Variants in SLC11A2 observed in about 807,000 individuals in gnomAD.
SLC11A2 encodes natural resistance-associated macrophage protein 2.
A neutral mutation model predicts 68.0 loss-of-function variants in SLC11A2; 38 were observed. That is an observed-to-expected ratio of 0.56 (90% CI 0.43 to 0.73). SLC11A2 has a LOEUF of 0.73. Among genes scored for constraint, SLC11A2 ranks in the 30% least tolerant of loss-of-function variants. SLC11A2 has a pLI of 0.00. For synonymous variants in SLC11A2, 242 were observed against 250.6 expected (o/e 0.97, Z 0.32); for missense variants, 517 against 690.5 (o/e 0.75, Z 2.82).
At chr12:51,005,997 T>C (rs1031423844) in intron 3 of SLC11A2, 15 of 285,576 alleles carry the variant, frequency 5.3e-5, no homozygotes, top group Non-Finnish European at 7.5e-5. Flanking sequence ...TGACCAGCAT[T>C]AAAACAGAGA....
the SLC11A2 span, among the ~76,000 whole-genome samples, chr12:50,969,763 C>T: frequency 1.3e-5 from 2 of 151,694 alleles, no homozygotes; most frequent in Admixed American, 1.3e-4. Context: ...GGGTTTCACA[C>T]TCAGAAGAGG....
downstream of SLC11A2, chr12:50,981,592 A>G (rs1188901368): frequency 1.5e-6 from 1 of 677,086 alleles, no homozygotes; most frequent in Non-Finnish European, 2.7e-6. Context: ...CACCCTTCCC[A>G]TGAGGAAATC....
chr12:50,983,265 G>A (rs183835473), downstream of SLC11A2, among the ~76,000 whole-genome samples: 4 of 152,098 alleles, frequency 2.6e-5, no homozygotes, highest in Non-Finnish European at 1.5e-5. Context: ...TTCTCTTCTC[G>A]AATACACCTT....
At chr12:50,976,698 A>C (rs1415087667), downstream of SLC11A2, among the ~76,000 whole-genome samples, 1 of 152,230 alleles carries the variant, frequency 6.6e-6, no homozygotes, top group Non-Finnish European at 1.5e-5. Flanking sequence ...GAAAAGAAGA[A>C]GTCAAATTGT....
intron 14 of SLC11A2, 38 bp from the exon 15 acceptor site, chr12:50,990,986 C>T (rs368415581): frequency 1.7e-4 from 270 of 1,597,016 alleles, no homozygotes; most frequent in Non-Finnish European, 2.2e-4. Context: ...ATGGAATAAT[C>T]CAACTTGGCC....
chr12:50,979,877 A>C, downstream of SLC11A2: 1 of 454,148 alleles, frequency 2.2e-6, no homozygotes, highest in Non-Finnish European at 4.4e-6. Context: ...AGTGATGCTC[A>C]AAGTCACACA....
rs755515112 is a variant in SLC11A2 at position 50,986,572 on chromosome 12, ATT to A, written c.*1751_*1752del. 4.2e-6 allele frequency: 5 copies of A among 1,191,856 alleles called. No individual in the cohort carries two copies. Among genetic ancestry groups the A allele is most frequent in the Non-Finnish European group, 5.5e-6 (5 of 914,204 alleles). The allele number at this position is 1,191,856 out of a possible 1,614,324, so 73.8% of individuals were successfully genotyped here. On this transcript the variant is annotated 3_prime_UTR_variant, in exon 16 of 16. Coordinates refer to ENST00000262052, the MANE Select transcript of SLC11A2 (RefSeq NM_000617.3). Reference sequence around the variant, plus strand: ...TGTTACCATATCATCTTTATAAAGAATTTTTTTTTTGTCGTCAGTTTGGCCTT... The same window carrying A: ...TGTTACCATATCATCTTTATAAAGAATTTTTTTTGTCGTCAGTTTGGCCTT...
chr12:50,968,016 G>A, the SLC11A2 span, among the ~76,000 whole-genome samples: 2 of 152,162 alleles, frequency 1.3e-5, no homozygotes, highest in Non-Finnish European at 2.9e-5. Context: ...GAGCCCAGGA[G>A]GTCGAGGCTG....
chr12:51,004,586 T>C (rs1942556135), intron 5 of SLC11A2, among the ~76,000 whole-genome samples: 2 of 152,144 alleles, frequency 1.3e-5, no homozygotes, highest in Admixed American at 6.5e-5. Flanking sequence ...AATGCGAGTC[T>C]CAAGTTAGAT....
chr12:50,986,434 T>C lies in SLC11A2; in HGVS notation c.*1891A>G, dbSNP rs956658272. 5.5e-6 allele frequency: 7 copies of C among 1,284,310 alleles called. No individual in the cohort carries two copies. The African/African-American group carries it at 6.1e-5, about 11-fold the overall frequency. 79.6% of individuals were successfully genotyped at this position (1,284,310 alleles called of 1,614,324 possible). A position where few individuals can be genotyped will look rare whatever the true frequency, so the allele number is the denominator to read the frequency against. ...TTTAATTGGAAGGAGTTTTCTATCA[T>C]TGCAAGTCATAAATATAACTTTTAA... On this transcript the variant is annotated 3_prime_UTR_variant, in exon 16 of 16. Transcript: ENST00000262052.
intron 1 of SLC11A2, among the ~76,000 whole-genome samples, chr12:51,022,615 A>C (rs888774206): frequency 4.6e-5 from 7 of 152,154 alleles, no homozygotes; most frequent in African/African-American, 1.4e-4. Context: ...AATGATGTAG[A>C]TTGACCTTAA....
chr12:50,982,910 C>T (rs1348672104), downstream of SLC11A2, among the ~76,000 whole-genome samples: 1 of 148,320 alleles, frequency 6.7e-6, no homozygotes, highest in Non-Finnish European at 1.5e-5. Flanking sequence ...CACTGCACTC[C>T]GGCCTGGGCA....
At chr12:50,982,796 C>T (rs540292356), downstream of SLC11A2, among the ~76,000 whole-genome samples, 59 of 151,872 alleles carry the variant, frequency 3.9e-4, no homozygotes, top group South Asian at 4.6e-3. Context: ...CAAAAATTAG[C>T]GGGGCATGGT....
chr12:50,999,414 T>C lies in SLC11A2; in HGVS notation c.538A>G (p.Ile180Val). The C allele has an allele frequency of 6.2e-7, 1 of 1,612,246 alleles. No homozygotes were observed. Among genetic ancestry groups the C allele is most frequent in the Non-Finnish European group, 8.5e-7 (1 of 1,178,298 alleles). ...IAINLLSVGR[I>V]PLWGGVLITI... ...ATGAGAACGCCACCCCACAGAGGAA[T>C]TCTAGGTCAGAGATGAGATATGGAA... The change falls in exon 7 of 16, where the codon ATT becomes GTT. Residue 180 changes from isoleucine to valine, a missense_variant and splice_region_variant. Coordinates refer to ENST00000262052, the MANE Select transcript of SLC11A2 (RefSeq NM_000617.3).
At chr12:50,953,863 A>G in the SLC11A2 span, 3 of 567,836 alleles carry the variant, frequency 5.3e-6, no homozygotes, top group Non-Finnish European at 9.3e-6. Context: ...CAATTGTTTC[A>G]GTTGAGCAGA....
At chr12:50,997,035 C>T in intron 8 of SLC11A2, 63 bp from the exon 9 acceptor site, 1 of 1,315,638 alleles carries the variant, frequency 7.6e-7, no homozygotes, top group Non-Finnish European at 1.1e-6. Context: ...AACATAGTAC[C>T]AGGGAACAGT....
At chr12:50,998,329 C>G (rs1216952938) in intron 8 of SLC11A2, among the ~76,000 whole-genome samples, 1 of 152,098 alleles carries the variant, frequency 6.6e-6, no homozygotes, top group Non-Finnish European at 1.5e-5. Flanking sequence ...CCACTGCACT[C>G]TAGCCTACAT....
intron 13 of SLC11A2, among the ~76,000 whole-genome samples, chr12:50,991,919 G>T (rs781673934): frequency 1.2e-4 from 19 of 152,132 alleles, no homozygotes; most frequent in Non-Finnish European, 2.4e-4. Context: ...TGTCCTATAT[G>T]TTCATTTAAT....
chr12:50,978,358 C>T (rs829023), downstream of SLC11A2, among the ~76,000 whole-genome samples: 133,553 of 151,690 alleles, frequency 0.88, 59,609 homozygotes, highest in East Asian at 0.98. Context: ...TGGATGAAGC[C>T]GGAAACCATC....
Sources: gnomAD v4.1 joint callset for allele counts (sites outside exome capture counted in the v4.1 genomes callset) on GRCh38, gnomAD v4.1.1 for gene constraint, MANE v1.5 for transcripts, NCBI Gene and HGNC (gene_info 2026-07-23, HGNC 2026-07-21) for gene names.